Variants in WDPCP observed in about 807,000 individuals in gnomAD.
The protein encoded by WDPCP is WD repeat containing planar cell polarity effector.
A neutral mutation model predicts 93.1 loss-of-function variants in WDPCP; 71 were observed. That is an observed-to-expected ratio of 0.76 (90% confidence interval 0.63 to 0.93). The LOEUF (loss-of-function observed/expected upper bound fraction) is 0.93. Ranked by LOEUF, WDPCP falls within the 40% of genes least tolerant of loss-of-function variation. The pLI is 0.00. For synonymous variants in WDPCP, 315 were observed against 315.0 expected (o/e 1.00, Z 0.00); for missense variants, 844 against 887.4 (o/e 0.95, Z 0.62).
intron 2 of WDPCP, among the ~76,000 whole-genome samples, chr2:63,719,675 T>C (rs1463586797): frequency 6.6e-6 from 1 of 152,160 alleles, no homozygotes; most frequent in African/African-American, 2.4e-5. Context: ...CCCAAGAATG[T>C]ATGTTCCCAT....
chr2:63,154,694 A>C (rs1672115645), intron 15 of WDPCP, among the ~76,000 whole-genome samples: 1 of 152,174 alleles, frequency 6.6e-6, no homozygotes, highest in Admixed American at 6.5e-5. Flanking sequence ...ATACATGTTT[A>C]ACTTTATAAG....
chr2:63,476,303 C>A (rs1699969073), intron 6 of WDPCP, among the ~76,000 whole-genome samples: 1 of 152,046 alleles, frequency 6.6e-6, no homozygotes, highest in African/African-American at 2.4e-5. Context: ...CTTTCTAGTC[C>A]CTTCATTCTT....
intron 8 of WDPCP, among the ~76,000 whole-genome samples, chr2:63,436,796 C>A (rs956169767): frequency 3.9e-5 from 6 of 152,000 alleles, no homozygotes; most frequent in Admixed American, 1.3e-4. Context: ...TGTAATGTGG[C>A]AAAACTCAAA....
chr2:63,729,455 T>C (rs1259163576), intron 2 of WDPCP, among the ~76,000 whole-genome samples: 1 of 152,126 alleles, frequency 6.6e-6, no homozygotes, highest in Non-Finnish European at 1.5e-5. Context: ...GTTTGTATTT[T>C]TCAGGAAACA....
At chr2:63,310,782 C>T (rs1686126318) in intron 13 of WDPCP, among the ~76,000 whole-genome samples, 1 of 152,014 alleles carries the variant, frequency 6.6e-6, no homozygotes, top group Non-Finnish European at 1.5e-5. Context: ...TTGCTTGAGC[C>T]CAGGAGTTCA....
intron 6 of WDPCP, among the ~76,000 whole-genome samples, chr2:63,465,794 C>T (rs550861428): frequency 4.3e-4 from 66 of 152,252 alleles, no homozygotes; most frequent in African/African-American, 1.4e-3. Context: ...GTAGTAGCTG[C>T]TTTTTATCAC....
Position 63,690,497 on chromosome 2 carries a change from G to A in WDPCP, n.309-39659C>T, listed in dbSNP as rs371046941. ...AGGCCAGGAGCCGTGACCCATGCCT[G>A]TAATCCCAGCACTTTGGAGGCTGAA... On this transcript the variant is annotated intron_variant and non_coding_transcript_variant, in intron 2 of 4. Coordinates refer to the WDPCP transcript ENST00000467687. Among the ~76,000 whole-genome samples, 23 of 152,228 alleles carry A rather than the reference G, an allele frequency of 1.5e-4. No individual in the cohort carries two copies. In the East Asian group the frequency reaches 2.5e-3, roughly 17 times the overall value.
intron 14 of WDPCP, among the ~76,000 whole-genome samples, chr2:63,186,114 C>T (rs1674621478): frequency 2.0e-5 from 3 of 152,140 alleles, no homozygotes; most frequent in Admixed American, 1.3e-4. Flanking sequence ...CCCTCTCACT[C>T]CTTAGAACCA....
intron 2 of WDPCP, among the ~76,000 whole-genome samples, chr2:63,811,668 G>A (rs535863956): frequency 6.8e-6 from 1 of 147,432 alleles, no homozygotes; most frequent in East Asian, 2.0e-4. Flanking sequence ...TGGGTATATT[G>A]CTTGATGCTG....
intron 12 of WDPCP, among the ~76,000 whole-genome samples, chr2:63,328,204 G>GTTAGCTCTCTGTAAAATGGACCAA (rs1687708829): frequency 4.4e-5 from 1 of 22,926 alleles, no homozygotes; most frequent in African/African-American, 4.6e-4. Flanking sequence ...AAACGGACCC[G>GTTAGCTCTCTGTAAAATGGACCAA]TCAGCTCTCT....
At chr2:63,574,393 C>A (rs1170852619) in intron 1 of WDPCP, among the ~76,000 whole-genome samples, 1 of 152,172 alleles carries the variant, frequency 6.6e-6, no homozygotes, top group Non-Finnish European at 1.5e-5. Context: ...TACCCGATAT[C>A]TGGCTGAATT....
intron 2 of WDPCP, among the ~76,000 whole-genome samples, chr2:63,746,737 C>T (rs1020655614): frequency 3.9e-5 from 6 of 152,074 alleles, no homozygotes; most frequent in Admixed American, 1.3e-4. Flanking sequence ...CTAGTCAGAC[C>T]GTTTCTCTGC....
chr2:63,619,467 CAT>C (rs1709708525), intron 3 of WDPCP, among the ~76,000 whole-genome samples: 1 of 152,164 alleles, frequency 6.6e-6, no homozygotes, highest in Non-Finnish European at 1.5e-5. Flanking sequence ...ACAGCTAACT[CAT>C]GTGGCCACTG....
intron 2 of WDPCP, among the ~76,000 whole-genome samples, chr2:63,689,363 T>A (rs1668857540): frequency 1.3e-5 from 2 of 152,178 alleles, no homozygotes; most frequent in Non-Finnish European, 2.9e-5. Context: ...AAACTAAGCA[T>A]CAGACTCTTT....
At chr2:63,282,534 T>C (rs1228507702) in intron 13 of WDPCP, among the ~76,000 whole-genome samples, 2 of 151,916 alleles carry the variant, frequency 1.3e-5, no homozygotes, top group Non-Finnish European at 2.9e-5. Flanking sequence ...AACAGACACA[T>C]AGATCGATGG....
chr2:63,586,451 C>CA (rs1193498293), intron 1 of WDPCP, among the ~76,000 whole-genome samples: 2 of 152,170 alleles, frequency 1.3e-5, no homozygotes, highest in Non-Finnish European at 2.9e-5. Flanking sequence ...GATTCAAACT[C>CA]ACAGTGAAAG....
intron 12 of WDPCP, among the ~76,000 whole-genome samples, chr2:63,316,073 A>G: frequency 6.6e-6 from 1 of 152,140 alleles, no homozygotes; most frequent in Non-Finnish European, 1.5e-5. Context: ...AATTTGACAC[A>G]TTTGAAGAAA....
intron 12 of WDPCP, among the ~76,000 whole-genome samples, chr2:63,314,866 T>C (rs1192834068): frequency 6.6e-6 from 1 of 152,120 alleles, no homozygotes. Flanking sequence ...AAACATCAAT[T>C]TGGCAATCAT....
intron 1 of WDPCP, among the ~76,000 whole-genome samples, chr2:63,818,139 A>C (rs1034423275): frequency 5.9e-5 from 9 of 152,236 alleles, no homozygotes; most frequent in African/African-American, 1.4e-4. Context: ...ATTGGCAACC[A>C]ATGGGGCCAG....
Sources: allele counts gnomAD v4.1 joint callset (sites outside exome capture counted in the v4.1 genomes callset), GRCh38; gene constraint gnomAD v4.1.1; transcripts MANE v1.5; gene names NCBI Gene and HGNC (gene_info 2026-07-23, HGNC 2026-07-21).